Variants in ZNF589 observed in about 807,000 individuals in gnomAD.
ZNF589 encodes the protein KRAB-zinc finger protein SZF1-1.
Under a neutral mutation model 13.6 loss-of-function variants are expected in ZNF589, and 17 were observed. That is an observed-to-expected ratio of 1.25 (90% CI 0.86 to 1.88). The LOEUF (loss-of-function observed/expected upper bound fraction) is 1.88. Among genes scored for constraint, ZNF589 ranks in the 40% most tolerant of loss-of-function variants. The pLI, the probability that ZNF589 is intolerant of heterozygous loss-of-function variation, is 0.00. For synonymous variants in ZNF589, 148 were observed against 161.6 expected (o/e 0.92, Z 0.64); for missense variants, 407 against 434.0 (o/e 0.94, Z 0.55).
rs189294004 is a variant in ZNF589, at chr3:48,269,089, C to T, written c.*303C>T. On this transcript the variant is annotated 3_prime_UTR_variant, in exon 4 of 4. Coordinates refer to ENST00000354698, the MANE Select transcript of ZNF589 (RefSeq NM_016089.3). Reference sequence around the variant, plus strand: ...TCCTCAATGGACACTGGAGGACACACACGGGAGAGAAGCCTTACACGTGCT... The same window carrying T: ...TCCTCAATGGACACTGGAGGACACATACGGGAGAGAAGCCTTACACGTGCT... 3.5e-5 allele frequency: 23 copies of T among 650,750 alleles called. No homozygotes were observed. In the East Asian group the frequency reaches 6.3e-4, roughly 18 times the overall value. The allele number at this position is 650,750 out of a possible 1,614,324, so 40.3% of individuals were successfully genotyped here.
Position 48,268,012 on chromosome 3 carries a change from TC to T in ZNF589, c.323del (p.Pro108GlnfsTer57). The T allele has an allele frequency of 6.2e-7, 1 of 1,614,166 alleles. No individual in the cohort carries two copies. The highest frequency in any genetic ancestry group is 8.5e-7 in the Non-Finnish European group (1 of 1,180,036). On this transcript the variant is annotated frameshift_variant, in exon 4 of 4. Transcript: ENST00000354698. LOFTEE classifies it low-confidence loss of function (END_TRUNC). ...AAGATGAGCTACACAATCATCCTAT[TC>T]CAGGTTTCCATGCAGGAAATCAACT... ...SQDELHNHPI[P>X]GFHAGNQLHP...
intron 2 of ZNF589, among the ~76,000 whole-genome samples, chr3:48,259,353 C>G (rs2033943600): frequency 6.6e-6 from 1 of 152,214 alleles, no homozygotes; most frequent in Non-Finnish European, 1.5e-5. Flanking sequence ...TTTATTAAAT[C>G]TCTTTTATAG....
At chr3:48,256,525 T>A in intron 2 of ZNF589, 1 of 634,120 alleles carries the variant, frequency 1.6e-6, no homozygotes, top group South Asian at 1.6e-5. Context: ...TTGGAACAAC[T>A]CCTTCAGGAA....
At position 48,244,773 on chromosome 3, in the gene ZNF589, T is replaced by C. The variant is rs369648586; in HGVS notation, c.44-2852T>C. 3.3e-5 allele frequency among the ~76,000 whole-genome samples: 5 copies of C among 151,656 alleles called. No individual in the cohort carries two copies. In the East Asian group the frequency reaches 9.7e-4, roughly 29 times the overall value. On this transcript the variant is annotated intron_variant, in intron 1 of 3. Transcript: ENST00000354698. ...TTCCCCACAGTAACTGCACTATTAC[T>C]CTGGGGAGCTCAAAAATAGATGGGA...
rs113383480 is a variant in ZNF589 at position 48,266,054 on chromosome 3, G to T, written c.224-1861G>T. On this transcript the variant is annotated intron_variant, in intron 3 of 3. Transcript: ENST00000354698. ...CATAAAGTAAGAAAAGACAAGACAG[G>T]GTTCAGGATGCCAAAATATGTGTTC... Among the ~76,000 whole-genome samples, 20 of 151,552 alleles carry T rather than the reference G, an allele frequency of 1.3e-4. No homozygotes were observed. In the East Asian group the frequency reaches 1.9e-3, roughly 15 times the overall value.
In ZNF589 at chr3:48,267,896, G is replaced by A; in HGVS notation, c.224-19G>A. On this transcript the variant is annotated intron_variant, in intron 3 of 3. Transcript: ENST00000354698. Reference sequence around the variant, plus strand: ...AGCCCTTCCTATGACTCTTCTGACTGGAAACTTTCTTTCTTCAGCAGAATC... The same window carrying A: ...AGCCCTTCCTATGACTCTTCTGACTAGAAACTTTCTTTCTTCAGCAGAATC... 1 of 1,589,064 alleles carries A rather than the reference G, an allele frequency of 6.3e-7. No individual in the cohort carries two copies. Among genetic ancestry groups the A allele is most frequent in the Non-Finnish European group, 8.5e-7 (1 of 1,171,768 alleles).
At chr3:48,264,015 T>C (rs1190813991) in intron 3 of ZNF589, among the ~76,000 whole-genome samples, 2 of 152,240 alleles carry the variant, frequency 1.3e-5, no homozygotes, top group East Asian at 3.9e-4. Flanking sequence ...ACCAGTGATA[T>C]GTATGGGAGA....
intron 2 of ZNF589, among the ~76,000 whole-genome samples, chr3:48,253,094 G>A (rs1223849312): frequency 1.3e-5 from 2 of 150,398 alleles, no homozygotes; most frequent in Admixed American, 6.6e-5. Context: ...GTGCAGTGGT[G>A]CAATCTCAGC....
In ZNF589 at chr3:48,270,151, C is replaced by G. The variant is rs994286270; in HGVS notation, c.*1365C>G. ...GCTTTATTTTTTTCTACATCTCTAGCCTTTGCTGTTTCCTCTCCTACCCCA... is the reference window on the plus strand; with the variant it reads ...GCTTTATTTTTTTCTACATCTCTAGGCTTTGCTGTTTCCTCTCCTACCCCA... On this transcript the variant is annotated 3_prime_UTR_variant, in exon 4 of 4. Coordinates refer to ENST00000354698, the MANE Select transcript of ZNF589 (RefSeq NM_016089.3). 3.5e-5 allele frequency: 16 copies of G among 456,900 alleles called. No individual in the cohort carries two copies. The highest frequency in any genetic ancestry group is 5.3e-5 in the Non-Finnish European group (12 of 227,040). The allele number at this position is 456,900 out of a possible 1,614,324, so 28.3% of individuals were successfully genotyped here.
At chr3:48,263,725 C>T (rs1449446507) in intron 3 of ZNF589, among the ~76,000 whole-genome samples, 1 of 152,176 alleles carries the variant, frequency 6.6e-6, no homozygotes, top group Non-Finnish European at 1.5e-5. Flanking sequence ...CGCCACTGCA[C>T]TCCAACCTGG....
chr3:48,268,339 G>C lies in ZNF589; in HGVS notation c.648G>C (p.Thr216=). ...AAACCCCAGGGTTTGGAGCAGTCAC[G>C]TTTGGGGAGTGTGCACTAGCTTTTA... The part of the protein sequence containing the change: ...RAETPGFGAV[T]FGECALAFNQ... Residue 216 remains threonine (T), a synonymous_variant, in exon 4 of 4, where the codon ACG becomes ACC. Coordinates refer to ENST00000354698, the MANE Select transcript of ZNF589 (RefSeq NM_016089.3). The C allele has an allele frequency of 6.2e-7, 1 of 1,614,188 alleles. No individual in the cohort carries two copies. Among genetic ancestry groups the C allele is most frequent in the Non-Finnish European group, 8.5e-7 (1 of 1,180,024 alleles).
At chr3:48,249,322 C>T (rs554292050) in intron 2 of ZNF589, among the ~76,000 whole-genome samples, 21 of 152,272 alleles carry the variant, frequency 1.4e-4, no homozygotes, top group African/African-American at 4.6e-4. Flanking sequence ...AGGCTGGTCT[C>T]GAACTCCTGA....
Position 48,268,908 on chromosome 3 carries a change from AC to A in ZNF589, c.*124del. On this transcript the variant is annotated 3_prime_UTR_variant, in exon 4 of 4. Transcript: ENST00000354698. ...CGTGCTAAATCAACTCTCCTCCTAC[AC>A]CAGTGGACACATTCAGAGGTGAAAC... 1.5e-6 allele frequency: 2 copies of A among 1,333,364 alleles called. No homozygotes were observed. The highest frequency in any genetic ancestry group is 2.1e-6 in the Non-Finnish European group (2 of 966,354). The allele number at this position is 1,333,364 out of a possible 1,614,324, so 82.6% of individuals were successfully genotyped here.
At chr3:48,256,470 G>A (rs892490722) in intron 2 of ZNF589, 6 of 581,500 alleles carry the variant, frequency 1.0e-5, no homozygotes, top group Non-Finnish European at 1.6e-5. Flanking sequence ...ATGAGGGTGC[G>A]GGGACCCCAG....
intron 3 of ZNF589, 71 bp from the exon 4 acceptor site, chr3:48,267,844 G>T: frequency 6.9e-7 from 1 of 1,459,730 alleles, no homozygotes; most frequent in Non-Finnish European, 9.2e-7. Context: ...AATGGGCCAG[G>T]TCTTATCATA....
Position 48,268,499 on chromosome 3 carries a change from C to T in ZNF589, c.808C>T (p.His270Tyr), listed in dbSNP as rs774259909. The stretch of plus-strand genomic sequence containing the variant: ...ACAGCTCATCATACACCAGAGGACA[C>T]ACACAGGAGAAAAGCCTTATGTCTG... ...KSQLIIHQRTHTGEKPYVCGE... is the reference protein window; with the variant it reads ...KSQLIIHQRTYTGEKPYVCGE... Residue 270 changes from histidine (H) to tyrosine (Y), a missense_variant, in exon 4 of 4, where the codon CAC (histidine) becomes TAC (tyrosine). Coordinates refer to ENST00000354698, the MANE Select transcript of ZNF589 (RefSeq NM_016089.3). 1 of 1,613,996 alleles carries T rather than the reference C, an allele frequency of 6.2e-7. No individual in the cohort carries two copies.
chr3:48,261,194 A>T lies in ZNF589; in HGVS notation c.223+255A>T, dbSNP rs2033966973. On this transcript the variant is annotated intron_variant, in intron 3 of 3. Coordinates refer to ENST00000354698, the MANE Select transcript of ZNF589 (RefSeq NM_016089.3). ...AAAAATGTATAAGATATATATAAAT[A>T]TAAGTAGAGTAGATTAAGGGAGATC... is the stretch of plus-strand genomic sequence containing the variant. Among the ~76,000 whole-genome samples the T allele has an allele frequency of 2.0e-5, 3 of 152,308 alleles. No individual in the cohort carries two copies. In the South Asian group the frequency reaches 6.2e-4, roughly 32 times the overall value.
intron 2 of ZNF589, among the ~76,000 whole-genome samples, chr3:48,253,468 C>T (rs905133985): frequency 7.9e-5 from 12 of 151,304 alleles, no homozygotes; most frequent in South Asian, 2.1e-4. Context: ...TTAGTTGTCA[C>T]GTCTCCAAGG....
In ZNF589 at chr3:48,269,106, ACACG is replaced by A; in HGVS notation, c.*321_*324del. ...AGGACACACACGGGAGAGAAGCCTT[ACACG>A]TGCTTTGAGTGTGGGCGAAACTTTA... On this transcript the variant is annotated 3_prime_UTR_variant, in exon 4 of 4. Transcript: ENST00000354698. 1 of 665,682 alleles carries A rather than the reference ACACG, an allele frequency of 1.5e-6. No individual in the cohort carries two copies. 41.2% of individuals were successfully genotyped at this position (665,682 alleles called of 1,614,324 possible).
Sources: gnomAD v4.1 joint callset for allele counts (sites outside exome capture counted in the v4.1 genomes callset) on GRCh38, gnomAD v4.1.1 for gene constraint, MANE v1.5 for transcripts, NCBI Gene and HGNC (gene_info 2026-07-23, HGNC 2026-07-21) for gene names.